The following MYOM1 variants were observed in gnomAD, a reference collection of about 807,000 sequenced individuals.
The protein encoded by MYOM1 is myomesin 1, also known as myomesin-1.
Under a neutral mutation model 205.3 loss-of-function variants are expected in MYOM1, and 164 were observed. The observed-to-expected ratio is 0.80, with a 90% confidence interval of 0.70 to 0.91. The LOEUF is 0.91. Ranked by LOEUF, MYOM1 falls within the 40% of genes least tolerant of loss-of-function variation. MYOM1 has a pLI of 0.00. For missense variants in MYOM1, 2,011 were observed against 2,127.3 expected (o/e 0.95, Z 1.08); for synonymous variants, 772 against 789.4 (o/e 0.98, Z 0.37).
chr18:3,198,597 A>C lies in MYOM1; in HGVS notation c.291-4639T>G, dbSNP rs556139218. 1.2e-4 allele frequency among the ~76,000 whole-genome samples: 18 copies of C among 152,272 alleles called. No homozygotes were observed. In the South Asian group the frequency reaches 3.5e-3, roughly 30 times the overall value. ...TCAGGAGTTCACGACCAGCCTGGCC[A>C]AGATGGTGAAACCCCGTCTCTACTA... On this transcript the variant is annotated intron_variant, in intron 2 of 37. Transcript: ENST00000356443.
chr18:3,197,274 T>C (rs1037870979), intron 2 of MYOM1, among the ~76,000 whole-genome samples: 3 of 151,924 alleles, frequency 2.0e-5, no homozygotes, highest in Non-Finnish European at 4.4e-5. Context: ...ATAGCTGGGA[T>C]TACAGGCGCA....
chr18:3,243,006 T>C, the MYOM1 span, among the ~76,000 whole-genome samples: 18 of 152,204 alleles, frequency 1.2e-4, no homozygotes, highest in Admixed American at 1.2e-3. Context: ...GTAATAAGTA[T>C]CCCCAAATAC....
chr18:3,137,950 A>G (rs924793468), intron 14 of MYOM1, among the ~76,000 whole-genome samples: 2 of 152,078 alleles, frequency 1.3e-5, no homozygotes, highest in African/African-American at 2.4e-5. Flanking sequence ...GTGTATCAAT[A>G]AAAACCAGAT....
At chr18:3,241,903 T>G in the MYOM1 span, among the ~76,000 whole-genome samples, 1 of 152,188 alleles carries the variant, frequency 6.6e-6, no homozygotes, top group Non-Finnish European at 1.5e-5. Context: ...AGCTTTAAGA[T>G]TTGACTGCCC....
At chr18:3,155,373 C>T (rs1011132638) in intron 10 of MYOM1, among the ~76,000 whole-genome samples, 11 of 152,214 alleles carry the variant, frequency 7.2e-5, no homozygotes, top group South Asian at 6.2e-4. Flanking sequence ...AGGCACCCGC[C>T]ACCACGCCCA....
rs1156330431 is a variant in MYOM1, at chr18:3,098,543, C to CT, written c.3727+1615dup. On this transcript the variant is annotated intron_variant, in intron 25 of 37. Transcript: ENST00000356443. ...CCACCCACCTTGGCCTCCCAAGGTG[C>CT]TGGGATTACAGGTGTGAGCCACCAC... is the stretch of plus-strand genomic sequence containing the variant. Among the ~76,000 whole-genome samples, 3 of 152,268 alleles carry CT rather than the reference C, an allele frequency of 2.0e-5. No individual in the cohort carries two copies. In the East Asian group the frequency reaches 5.8e-4, roughly 29 times the overall value.
intron 37 of MYOM1, 50 bp downstream of exon 37, chr18:3,071,784 A>T (rs764637678): frequency 6.4e-7 from 1 of 1,553,104 alleles, no homozygotes; most frequent in South Asian, 1.2e-5. Context: ...GGGGTGCTGG[A>T]ACCTGTTCAT....
Position 3,085,081 on chromosome 18 carries a change from C to T in MYOM1, c.4303G>A (p.Gly1435Arg). The T allele has an allele frequency of 6.2e-7, 1 of 1,609,116 alleles. No individual in the cohort carries two copies. The highest frequency in any genetic ancestry group is 1.1e-5 in the South Asian group (1 of 89,822). ...AGCTTCAGTCTGCTCTTATCTTTTC[C>T]TCGGTCATCTTTCAGGATAACTTCA... ...IYEVILKDDRGKDKSRLKLVD... is the reference protein window; with the variant it reads ...IYEVILKDDRRKDKSRLKLVD... Residue 1435 changes from glycine to arginine, a missense_variant, in exon 31 of 38, where the codon GGA becomes AGA. Physicochemically the swap from Gly to Arg is moderately radical, Grantham distance 125. Coordinates refer to ENST00000356443, the MANE Select transcript of MYOM1 (RefSeq NM_003803.4).
chr18:3,201,056 A>G (rs937166799), intron 2 of MYOM1, among the ~76,000 whole-genome samples: 3 of 152,294 alleles, frequency 2.0e-5, no homozygotes, highest in Non-Finnish European at 4.4e-5. Flanking sequence ...ATCAGGAAAA[A>G]TGGCACCGAC....
At chr18:3,134,293 G>A (rs1204185336) in intron 16 of MYOM1, among the ~76,000 whole-genome samples, 3 of 152,140 alleles carry the variant, frequency 2.0e-5, no homozygotes, top group African/African-American at 7.2e-5. Flanking sequence ...TCAAGCTGTA[G>A]TTGAACTCAA....
chr18:3,147,162 T>C (rs1392345835), intron 13 of MYOM1, among the ~76,000 whole-genome samples: 1 of 144,338 alleles, frequency 6.9e-6, no homozygotes, highest in African/African-American at 2.5e-5. Context: ...TATATAGAAA[T>C]ATATATATAT....
rs558345326 is a variant in MYOM1 at position 3,147,661 on chromosome 18, T to C, written c.1900+1484A>G. On this transcript the variant is annotated intron_variant, in intron 13 of 37. Coordinates refer to ENST00000356443, the MANE Select transcript of MYOM1 (RefSeq NM_003803.4). ...TGGTATTGATGGAAGGGGAAAAAAA[T>C]TGACCAATAGAGATTCCAGAAATTG... 7.2e-5 allele frequency among the ~76,000 whole-genome samples: 11 copies of C among 152,258 alleles called. No homozygotes were observed. The East Asian group carries it at 7.7e-4, about 11-fold the overall frequency.
intron 37 of MYOM1, among the ~76,000 whole-genome samples, chr18:3,067,796 C>T (rs2078915304): frequency 6.6e-6 from 1 of 152,290 alleles, no homozygotes; most frequent in East Asian, 1.9e-4. Flanking sequence ...TTTCTGGCTT[C>T]TGGAATGCTT....
At chr18:3,206,754 G>A (rs919567811) in intron 2 of MYOM1, among the ~76,000 whole-genome samples, 58 of 152,010 alleles carry the variant, frequency 3.8e-4, no homozygotes, top group Admixed American at 1.0e-3. Flanking sequence ...CAAAGTTCGC[G>A]GACAAGTAGA....
chr18:3,193,287 TATATAC>T (rs1274750430), intron 3 of MYOM1, among the ~76,000 whole-genome samples: 2 of 149,704 alleles, frequency 1.3e-5, no homozygotes, highest in African/African-American at 4.9e-5. Context: ...TACATAAATA[TATATAC>T]ATATACATAC....
intron 25 of MYOM1, among the ~76,000 whole-genome samples, chr18:3,097,942 C>A (rs2079326467): frequency 6.6e-6 from 1 of 152,174 alleles, no homozygotes; most frequent in South Asian, 2.1e-4. Flanking sequence ...TCCAGGGAGG[C>A]CTGGGCATCT....
At chr18:3,224,678 T>A (rs2081345260), upstream of MYOM1, among the ~76,000 whole-genome samples, 1 of 152,142 alleles carries the variant, frequency 6.6e-6, no homozygotes, top group South Asian at 2.1e-4. Context: ...ATTATTATTA[T>A]TTTTGAAATG....
At chr18:3,083,745 A>G (rs2079116543) in intron 33 of MYOM1, 44 bp downstream of exon 33, 1 of 1,477,970 alleles carries the variant, frequency 6.8e-7, no homozygotes, top group African/African-American at 1.4e-5. Flanking sequence ...CGCGCCTGGC[A>G]GGGAAAGAAT....
intron 17 of MYOM1, among the ~76,000 whole-genome samples, chr18:3,130,966 C>T (rs1426783824): frequency 6.6e-6 from 1 of 152,200 alleles, no homozygotes; most frequent in Non-Finnish European, 1.5e-5. Context: ...TGTTAATGTT[C>T]TGTTAGCAAA....
Sources: allele counts gnomAD v4.1 joint callset (sites outside exome capture counted in the v4.1 genomes callset), GRCh38; gene constraint gnomAD v4.1.1; transcripts MANE v1.5; gene names NCBI Gene and HGNC (gene_info 2026-07-23, HGNC 2026-07-21).